SIPA1L2: variants seen among roughly 807,000 people sequenced by gnomAD.
SIPA1L2 encodes signal induced proliferation associated 1 like 2, also known as signal-induced proliferation-associated 1-like protein 2.
Under a neutral mutation model 163.9 loss-of-function variants are expected in SIPA1L2, and 56 were observed. The ratio of observed to expected loss-of-function variants is 0.34; its 90% CI spans 0.28 to 0.43. The LOEUF is 0.43. Among genes scored for constraint, SIPA1L2 ranks in the 20% least tolerant of loss-of-function variants. The pLI is 1.00. For synonymous variants in SIPA1L2, 877 were observed against 865.7 expected, an observed-to-expected ratio of 1.01 and a Z score of -0.23; for missense variants, 1,974 against 2,193.5, an observed-to-expected ratio of 0.90 and a Z score of 2.00.
rs569858908 is a variant in SIPA1L2 at position 232,607,492 on chromosome 1, T to G, written c.-319+22377A>C. Among the ~76,000 whole-genome samples, 5 of 152,296 alleles carry G rather than the reference T, an allele frequency of 3.3e-5. No individual in the cohort carries two copies. The East Asian group carries it at 9.6e-4, about 29-fold the overall frequency. Reference sequence around the variant, plus strand: ...TTTTAGACCACTTGTGATTATTTCGTGGGGTAAATTGCCCATCCCAAATCC... The same window carrying G: ...TTTTAGACCACTTGTGATTATTTCGGGGGGTAAATTGCCCATCCCAAATCC... On this transcript the variant is annotated intron_variant, in intron 1 of 22. Transcript: ENST00000674635.
chr1:232,462,061 T>C (rs775113838), intron 9 of SIPA1L2: 21 of 756,930 alleles, frequency 2.8e-5, no homozygotes, highest in Non-Finnish European at 4.6e-5. Flanking sequence ...GAAGCCTCAG[T>C]GTATGTACCT....
At chr1:232,448,169 C>T (rs764519759) in intron 10 of SIPA1L2, among the ~76,000 whole-genome samples, 16 of 152,264 alleles carry the variant, frequency 1.1e-4, no homozygotes, top group Non-Finnish European at 1.6e-4. Context: ...TGATTTAAGT[C>T]GGCTATGCCT....
At chr1:232,564,141 T>C (rs1659226597) in intron 2 of SIPA1L2, among the ~76,000 whole-genome samples, 1 of 69,282 alleles carries the variant, frequency 1.4e-5, no homozygotes, top group Non-Finnish European at 2.5e-5. Flanking sequence ...GTTGTTTTTT[T>C]TTTTTTTCGT....
At chr1:232,541,407 T>A (rs1362910254) in intron 2 of SIPA1L2, among the ~76,000 whole-genome samples, 2 of 152,056 alleles carry the variant, frequency 1.3e-5, no homozygotes, top group Non-Finnish European at 2.9e-5. Context: ...CATTTGAAAA[T>A]AAAGAAGACA....
intron 22 of SIPA1L2, among the ~76,000 whole-genome samples, chr1:232,401,327 A>G (rs1660325809): frequency 6.6e-6 from 1 of 152,152 alleles, no homozygotes; most frequent in Non-Finnish European, 1.5e-5. Context: ...TGGGGAAAAA[A>G]CACACGACCA....
rs371760695 is a variant in SIPA1L2 at position 232,428,475 on chromosome 1, G to A, written c.4346C>T (p.Ser1449Phe). 6.9e-6 allele frequency: 11 copies of A among 1,596,098 alleles called. No individual in the cohort carries two copies. The African/African-American group carries it at 9.6e-5, about 14-fold the overall frequency. Reference sequence around the variant, plus strand: ...CATCAATTTCAGAAAATCTTCTTTAGACAGAACATGTTGAGTCTCTGCAAC... The same window carrying A: ...CATCAATTTCAGAAAATCTTCTTTAAACAGAACATGTTGAGTCTCTGCAAC... ...DAVAETQHVL[S>F]KEDFLKLMLP... Residue 1449 changes from serine (S) to phenylalanine (F), a missense_variant, in exon 17 of 23, where the codon TCT (serine) becomes TTT (phenylalanine). By Grantham distance (155) the Ser-to-Phe change is radical. Around this residue, in one of 3 missense-constraint regions of SIPA1L2, gnomAD observed 1,079 missense variants for 1,150.7 expected, o/e 0.94. Transcript: ENST00000674635.
intron 10 of SIPA1L2, among the ~76,000 whole-genome samples, chr1:232,455,518 A>G (rs956410841): frequency 2.6e-5 from 4 of 152,074 alleles, no homozygotes; most frequent in African/African-American, 9.7e-5. Context: ...CGTCTCTACT[A>G]AAAATACAAA....
intron 1 of SIPA1L2, among the ~76,000 whole-genome samples, chr1:232,592,763 G>C (rs1661029995): frequency 6.7e-6 from 1 of 150,168 alleles, no homozygotes; most frequent in South Asian, 2.1e-4. Context: ...ATTAAAATGA[G>C]CACTAATATT....
chr1:232,437,354 A>T (rs1461306580), intron 15 of SIPA1L2, among the ~76,000 whole-genome samples: 1 of 152,238 alleles, frequency 6.6e-6, no homozygotes, highest in African/African-American at 2.4e-5. Context: ...AAATTAAGCC[A>T]GGAATAATTC....
chr1:232,420,374 G>A (rs1661500902), intron 18 of SIPA1L2, among the ~76,000 whole-genome samples: 1 of 152,142 alleles, frequency 6.6e-6, no homozygotes, highest in Admixed American at 6.5e-5. Flanking sequence ...AGGAGCAAGA[G>A]CAATTGATCA....
intron 1 of SIPA1L2, among the ~76,000 whole-genome samples, chr1:232,618,040 G>A (rs1558307900): frequency 6.6e-6 from 1 of 152,090 alleles, no homozygotes. Flanking sequence ...CCAGGAGGTG[G>A]GTACAGAGGT....
In SIPA1L2 at chr1:232,428,529, G is replaced by A. The variant is rs1353336043; in HGVS notation, c.4292C>T (p.Thr1431Ile). ...ATCTCCCACCACTGTCTGATGCTGA[G>A]TTGCTGTGGACATGACATCCATCTC... ...YSEMDVMSTA[T>I]QHQTVVGDAV... Residue 1431 changes from threonine to isoleucine, a missense_variant, in exon 17 of 23, where the codon ACT becomes ATT. By Grantham distance (89) the Thr-to-Ile change is moderately conservative. Around this residue, in one of 3 missense-constraint regions of SIPA1L2, gnomAD observed 1,079 missense variants for 1,150.7 expected, o/e 0.94. Transcript: ENST00000674635. The A allele has an allele frequency of 2.5e-6, 4 of 1,588,622 alleles. No individual in the cohort carries two copies. The highest frequency in any genetic ancestry group is 3.4e-6 in the Non-Finnish European group (4 of 1,169,852).
intron 5 of SIPA1L2, among the ~76,000 whole-genome samples, chr1:232,489,199 A>T (rs1381442409): frequency 6.6e-6 from 1 of 152,148 alleles, no homozygotes; most frequent in Non-Finnish European, 1.5e-5. Flanking sequence ...AGGGATCAAG[A>T]ACTACCTACC....
At chr1:232,574,391 T>C (rs1659966889) in intron 1 of SIPA1L2, among the ~76,000 whole-genome samples, 169 bp from the exon 2 acceptor site, 1 of 152,198 alleles carries the variant, frequency 6.6e-6, no homozygotes, top group Non-Finnish European at 1.5e-5. Flanking sequence ...CAGTGTTCGA[T>C]GGAGTTTTCC....
At chr1:232,490,318 G>A (rs1377739045) in intron 5 of SIPA1L2, among the ~76,000 whole-genome samples, 1 of 152,156 alleles carries the variant, frequency 6.6e-6, no homozygotes. Flanking sequence ...GAGTTGCCCA[G>A]CCAGATGTTA....
chr1:232,580,083 G>A (rs1217506213), intron 1 of SIPA1L2, among the ~76,000 whole-genome samples: 8 of 152,184 alleles, frequency 5.3e-5, no homozygotes, highest in African/African-American at 1.4e-4. Context: ...GTTATTTCTT[G>A]ATTACATGCT....
chr1:232,561,705 C>T (rs918079574), intron 2 of SIPA1L2: 1 of 152,202 alleles, frequency 6.6e-6, no homozygotes, highest in Admixed American at 6.5e-5. Flanking sequence ...GGCAGGCTGT[C>T]CAGAGTGACT....
intron 2 of SIPA1L2, among the ~76,000 whole-genome samples, chr1:232,533,244 C>A (rs1042508040): frequency 2.6e-5 from 4 of 152,104 alleles, no homozygotes; most frequent in Non-Finnish European, 5.9e-5. Context: ...TCTTTGAGAT[C>A]CACAGGGTAA....
Position 232,562,925 on chromosome 1 carries a change from G to GA in SIPA1L2, c.-270+11248dup, listed in dbSNP as rs558766361. Among the ~76,000 whole-genome samples the GA allele has an allele frequency of 1.4e-4, 21 of 152,296 alleles. No homozygotes were observed. In the South Asian group the frequency reaches 3.3e-3, roughly 24 times the overall value. Reference sequence around the variant, plus strand: ...CTAACAAACACCTGCAAGCTGTGTCGAGAGAACCCAGGCATGGAAGGAGAG... The same window carrying GA: ...CTAACAAACACCTGCAAGCTGTGTCGAAGAGAACCCAGGCATGGAAGGAGAG... On this transcript the variant is annotated intron_variant, in intron 2 of 22. Transcript: ENST00000674635.
Sources: allele counts gnomAD v4.1 joint callset (sites outside exome capture counted in the v4.1 genomes callset), GRCh38; gene constraint gnomAD v4.1.1; regional missense constraint gnomAD v4.1.1; transcripts MANE v1.5; gene names NCBI Gene and HGNC (gene_info 2026-07-23, HGNC 2026-07-21).